The following PDE3A variants were observed in gnomAD, a reference collection of about 807,000 sequenced individuals.
PDE3A encodes phosphodiesterase 3A, also known as cGMP-inhibited 3',5'-cyclic phosphodiesterase 3A.
PDE3A carries 43 observed loss-of-function variants against 98.3 expected under a neutral mutation model. That is an observed-to-expected ratio of 0.44 (90% CI 0.34 to 0.56). The LOEUF (loss-of-function observed/expected upper bound fraction) is 0.56. Ranked by LOEUF, PDE3A falls within the 20% of genes least tolerant of loss-of-function variation. PDE3A has a pLI of 0.01. For missense variants in PDE3A, 1,427 were observed against 1,440.7 expected (o/e 0.99, Z 0.15); for synonymous variants, 663 against 567.9 (o/e 1.17, Z -2.38).
chr12:20,398,051 G>T (rs200997200), intron 1 of PDE3A, among the ~76,000 whole-genome samples: 352 of 137,310 alleles, frequency 2.6e-3, no homozygotes, highest in Non-Finnish European at 2.6e-3. Flanking sequence ...TTTTTTTTTT[G>T]TTTTTTTTTT....
At chr12:20,677,453 A>AT (rs71039969) in intron 15 of PDE3A, among the ~76,000 whole-genome samples, 8,937 of 107,144 alleles carry the variant, frequency 0.083, 295 homozygotes, top group African/African-American at 0.11. Context: ...GCTTGTTCTA[A>AT]TTTTTTTTTC....
intron 15 of PDE3A, among the ~76,000 whole-genome samples, chr12:20,666,871 T>C (rs1408025202): frequency 6.6e-6 from 1 of 152,234 alleles, no homozygotes; most frequent in Non-Finnish European, 1.5e-5. Context: ...CCATAGTGGC[T>C]ATACCAACTT....
intron 15 of PDE3A, among the ~76,000 whole-genome samples, chr12:20,665,875 C>G (rs1246351273): frequency 1.3e-5 from 2 of 150,422 alleles, no homozygotes; most frequent in African/African-American, 4.9e-5. Context: ...ATGTGGGGCA[C>G]ATGATATTTT....
At chr12:20,370,389 GT>G (rs1407334826) in intron 1 of PDE3A, 145 bp downstream of exon 1, 506 of 422,738 alleles carry the variant, frequency 1.2e-3, no homozygotes, top group Admixed American at 1.7e-3. Context: ...AAACTAGCAG[GT>G]TTTTTTTTTG....
Position 20,448,549 on chromosome 12 carries a change from C to T in PDE3A, c.960+78305C>T, listed in dbSNP as rs371818930. 3.0e-4 allele frequency among the ~76,000 whole-genome samples: 45 copies of T among 152,238 alleles called. 2 individuals carry two copies. The East Asian group carries it at 5.0e-3, about 17-fold the overall frequency. The stretch of plus-strand genomic sequence containing the variant: ...TTCTGAATAAAGTACTCCAAAGTAA[C>T]TTGGAGTTAAGACATTTTAATATTA... On this transcript the variant is annotated intron_variant, in intron 1 of 15. Transcript: ENST00000359062.
intron 2 of PDE3A, among the ~76,000 whole-genome samples, chr12:20,563,669 G>A (rs575198574): frequency 2.6e-5 from 4 of 152,026 alleles, no homozygotes; most frequent in South Asian, 2.1e-4. Context: ...GGGGTTTTTC[G>A]TTTGCTTGTT....
At chr12:20,370,803 A>G (rs1425413719) in intron 1 of PDE3A, among the ~76,000 whole-genome samples, 4 of 152,188 alleles carry the variant, frequency 2.6e-5, no homozygotes, top group Admixed American at 2.0e-4. Context: ...TTTTGCAGTA[A>G]GTTTTATTTG....
rs1001724920 is a variant in PDE3A at position 20,596,972 on chromosome 12, G to T, written c.1012-16471G>T. ...GGAACGGTACCCAGTATTTAGCATT[G>T]TGAATAGCGTAGGGCTTCGGATCCA... On this transcript the variant is annotated intron_variant, in intron 2 of 15. Coordinates refer to ENST00000359062, the MANE Select transcript of PDE3A (RefSeq NM_000921.5). 8.5e-5 allele frequency among the ~76,000 whole-genome samples: 13 copies of T among 152,232 alleles called. No homozygotes were observed. The East Asian group carries it at 2.3e-3, about 27-fold the overall frequency.
intron 15 of PDE3A, among the ~76,000 whole-genome samples, chr12:20,659,763 G>A (rs1201689189): frequency 6.6e-6 from 1 of 152,032 alleles, no homozygotes; most frequent in Non-Finnish European, 1.5e-5. Context: ...CTTTAATGCA[G>A]TCTCAATTAG....
intron 4 of PDE3A, among the ~76,000 whole-genome samples, chr12:20,619,180 T>C (rs1282650789): frequency 6.9e-6 from 1 of 145,746 alleles, no homozygotes; most frequent in Admixed American, 7.0e-5. Context: ...AATACATTGA[T>C]TTATTGTATT....
At chr12:20,631,788 T>A (rs1944385639) in intron 6 of PDE3A, among the ~76,000 whole-genome samples, 1 of 151,454 alleles carries the variant, frequency 6.6e-6, no homozygotes, top group Non-Finnish European at 1.5e-5. Context: ...GATTTCACTG[T>A]CTACTTGTTC....
intron 1 of PDE3A, among the ~76,000 whole-genome samples, chr12:20,439,779 C>G (rs536879794): frequency 6.6e-6 from 1 of 152,234 alleles, no homozygotes; most frequent in African/African-American, 2.4e-5. Flanking sequence ...ACACCCTCCT[C>G]TCACCCCACC....
At chr12:20,461,339 T>C (rs1421392384) in intron 1 of PDE3A, among the ~76,000 whole-genome samples, 1 of 151,908 alleles carries the variant, frequency 6.6e-6, no homozygotes, top group Non-Finnish European at 1.5e-5. Context: ...ATATAAAGTA[T>C]TACTGAGTTT....
At chr12:20,631,125 C>T (rs1592130301) in intron 6 of PDE3A, among the ~76,000 whole-genome samples, 1 of 152,108 alleles carries the variant, frequency 6.6e-6, no homozygotes, top group African/African-American at 2.4e-5. Context: ...TCTTTACCGG[C>T]ATTTTTACAT....
At chr12:20,581,094 T>C (rs1943050972) in intron 2 of PDE3A, among the ~76,000 whole-genome samples, 2 of 152,090 alleles carry the variant, frequency 1.3e-5, no homozygotes, top group African/African-American at 2.4e-5. Flanking sequence ...AGGAAAAAAA[T>C]AGCAGAAGAC....
rs1285780323 is a variant in PDE3A at position 20,369,504 on chromosome 12, C to T, written c.220C>T (p.Leu74=). The T allele has an allele frequency of 2.6e-6, 4 of 1,559,776 alleles. No individual in the cohort carries two copies. The highest frequency in any genetic ancestry group is 2.6e-6 in the Non-Finnish European group (3 of 1,151,968). Residue 74 remains leucine (L), a synonymous_variant, in exon 1 of 16, where the codon CTG becomes TTG. Coordinates refer to ENST00000359062, the MANE Select transcript of PDE3A (RefSeq NM_000921.5). ...ALCAGSLSFL[L]ALLVRLVRGE... ...GTGCGCGGGCTCCCTGTCCTTTCTGCTGGCGCTGCTGGTGAGGCTGGTCCG... is the reference window on the plus strand; with the variant it reads ...GTGCGCGGGCTCCCTGTCCTTTCTGTTGGCGCTGCTGGTGAGGCTGGTCCG...
At chr12:20,401,497 C>T (rs1234317258) in intron 1 of PDE3A, among the ~76,000 whole-genome samples, 2 of 152,080 alleles carry the variant, frequency 1.3e-5, no homozygotes, top group African/African-American at 2.4e-5. Flanking sequence ...GACTTTGAAG[C>T]GTGCCTTTTC....
intron 1 of PDE3A, among the ~76,000 whole-genome samples, chr12:20,431,113 A>G (rs1366390197): frequency 6.6e-6 from 1 of 152,160 alleles, no homozygotes; most frequent in Non-Finnish European, 1.5e-5. Context: ...CGTCTTTATT[A>G]CTACCCCAAT....
intron 1 of PDE3A, among the ~76,000 whole-genome samples, chr12:20,394,479 G>T (rs972648623): frequency 6.6e-6 from 1 of 151,990 alleles, no homozygotes; most frequent in South Asian, 2.1e-4. Flanking sequence ...AAGTTTTGCT[G>T]TAGTTAACAT....
Sources: allele counts gnomAD v4.1 joint callset (sites outside exome capture counted in the v4.1 genomes callset), GRCh38; gene constraint gnomAD v4.1.1; transcripts MANE v1.5; gene names NCBI Gene and HGNC (gene_info 2026-07-23, HGNC 2026-07-21).